ADAMTS6: variants seen among roughly 807,000 people sequenced by gnomAD.
ADAMTS6 encodes the protein A disintegrin and metalloproteinase with thrombospondin motifs 6.
Under a neutral mutation model 144.3 loss-of-function variants are expected in ADAMTS6, and 23 were observed. The observed-to-expected ratio is 0.16, with a 90% CI of 0.11 to 0.23. The LOEUF (loss-of-function observed/expected upper bound fraction) is 0.23. Among genes scored for constraint, ADAMTS6 ranks in the 10% least tolerant of loss-of-function variants. The pLI is 1.00. For missense variants in ADAMTS6, 999 were observed against 1,379.6 expected (o/e 0.72, Z 4.37); for synonymous variants, 444 against 457.5 (o/e 0.97, Z 0.38).
chr5:65,224,818 G>C, intron 17 of ADAMTS6, 106 bp downstream of exon 17: 1 of 1,324,564 alleles, frequency 7.5e-7, no homozygotes, highest in South Asian at 1.7e-5. Flanking sequence ...AGAAAACATT[G>C]TCTGCCTAAA....
chr5:65,474,769 A>C (rs1385732879), intron 1 of ADAMTS6, among the ~76,000 whole-genome samples: 2 of 144,868 alleles, frequency 1.4e-5, no homozygotes, highest in African/African-American at 5.2e-5. Context: ...AGAGCTAAAA[A>C]CTAGCCACAA....
intron 9 of ADAMTS6, among the ~76,000 whole-genome samples, chr5:65,317,799 C>T (rs1191550187): frequency 1.3e-5 from 2 of 152,044 alleles, no homozygotes; most frequent in Admixed American, 1.3e-4. Flanking sequence ...GCAGGCCAGG[C>T]GTGGTGGCTC....
chr5:65,462,141 C>T (rs1262800168), intron 3 of ADAMTS6, among the ~76,000 whole-genome samples: 1 of 152,172 alleles, frequency 6.6e-6, no homozygotes, highest in Admixed American at 6.5e-5. Flanking sequence ...ATGCCATTAA[C>T]ATATTCTAAT....
Position 65,477,763 on chromosome 5 carries a change from AT to A in ADAMTS6, c.-280+3579del, listed in dbSNP as rs201927162. Among the ~76,000 whole-genome samples the A allele has an allele frequency of 7.3e-3, 1,038 of 141,524 alleles. 1 individual carries two copies. The highest frequency in any genetic ancestry group is 0.018 in the Middle Eastern group (5 of 272). The allele number at this position is 141,524 out of a possible 152,430, so 92.8% of individuals were successfully genotyped here. On this transcript the variant is annotated intron_variant, in intron 1 of 24. Coordinates refer to ENST00000381055, the MANE Select transcript of ADAMTS6 (RefSeq NM_197941.4). ...TATCACTCCCTTGCTCCCTCCCCAC[AT>A]TTTTTTTTTTTTTGGCCTCCAGTGC...
intron 7 of ADAMTS6, among the ~76,000 whole-genome samples, chr5:65,407,337 T>A (rs1266206287): frequency 6.6e-6 from 1 of 150,794 alleles, no homozygotes. Flanking sequence ...ATATTCAATG[T>A]TCTTTTTTTT....
rs754569473 is a variant in ADAMTS6, at chr5:65,452,934, C to T, written c.632-16G>A. 6.2e-7 allele frequency: 1 copy of T among 1,600,770 alleles called. No homozygotes were observed. Among genetic ancestry groups the T allele is most frequent in the East Asian group, 2.2e-5 (1 of 44,740 alleles). On this transcript the variant is annotated splice_polypyrimidine_tract_variant and intron_variant, in intron 4 of 24. Transcript: ENST00000381055. ...CTTGTGAAATCTACAATAAAAGCAG[C>T]CAATTCAGATAGGTTCACTAATTAA...
At chr5:65,200,856 G>A (rs904517105) in intron 20 of ADAMTS6, among the ~76,000 whole-genome samples, 1 of 152,036 alleles carries the variant, frequency 6.6e-6, no homozygotes, top group Non-Finnish European at 1.5e-5. Flanking sequence ...TCTGTTTAGA[G>A]ACTTTTAATT....
chr5:65,311,174 C>T (rs1206911813), intron 9 of ADAMTS6, among the ~76,000 whole-genome samples: 1 of 152,132 alleles, frequency 6.6e-6, no homozygotes, highest in Non-Finnish European at 1.5e-5. Flanking sequence ...TGCTGACTAA[C>T]TGTAAACCAT....
chr5:65,474,096 T>C (rs913923064), intron 1 of ADAMTS6, 144 bp from the exon 2 acceptor site: 4 of 335,252 alleles, frequency 1.2e-5, no homozygotes, highest in Non-Finnish European at 2.1e-5. Flanking sequence ...ATAGTCTAAA[T>C]AAACATTCAC....
intron 15 of ADAMTS6, among the ~76,000 whole-genome samples, chr5:65,238,594 T>C (rs1161075184): frequency 6.7e-6 from 1 of 149,636 alleles, no homozygotes; most frequent in Non-Finnish European, 1.5e-5. Context: ...AACCAGACCC[T>C]GTCTCAAAAA....
intron 9 of ADAMTS6, among the ~76,000 whole-genome samples, chr5:65,306,465 T>A (rs1386461091): frequency 6.6e-6 from 1 of 152,074 alleles, no homozygotes; most frequent in East Asian, 1.9e-4. Flanking sequence ...AATATCAATA[T>A]AATTTTTTTT....
chr5:65,371,451 G>A (rs1271945089), intron 7 of ADAMTS6, among the ~76,000 whole-genome samples: 1 of 152,022 alleles, frequency 6.6e-6, no homozygotes, highest in Non-Finnish European at 1.5e-5. Context: ...TGAAAACCAA[G>A]GCTCGAGAAC....
chr5:65,331,426 C>T (rs1227970484), intron 8 of ADAMTS6, among the ~76,000 whole-genome samples: 2 of 151,944 alleles, frequency 1.3e-5, no homozygotes, highest in Non-Finnish European at 2.9e-5. Flanking sequence ...AAATTATTAT[C>T]TCTGCTAGAA....
chr5:65,235,239 T>C (rs1010500845), intron 15 of ADAMTS6, among the ~76,000 whole-genome samples: 5 of 152,174 alleles, frequency 3.3e-5, no homozygotes, highest in African/African-American at 1.2e-4. Context: ...AAGGTAAATA[T>C]GTGAGGTGAC....
chr5:65,371,441 T>C (rs1290980855), intron 7 of ADAMTS6, among the ~76,000 whole-genome samples: 1 of 151,906 alleles, frequency 6.6e-6, no homozygotes. Context: ...CTGATGGAGC[T>C]GAAAACCAAG....
At chr5:65,407,416 C>T (rs1754628823) in intron 7 of ADAMTS6, among the ~76,000 whole-genome samples, 2 of 151,518 alleles carry the variant, frequency 1.3e-5, no homozygotes, top group Non-Finnish European at 2.9e-5. Flanking sequence ...TATACATGTG[C>T]CATGTTGGTG....
At chr5:65,270,785 A>G (rs1247002471) in intron 12 of ADAMTS6, among the ~76,000 whole-genome samples, 4 of 152,168 alleles carry the variant, frequency 2.6e-5, no homozygotes, top group Non-Finnish European at 5.9e-5. Flanking sequence ...ACCCCTTGAC[A>G]TATAAACTTT....
intron 3 of ADAMTS6, among the ~76,000 whole-genome samples, chr5:65,463,707 T>G (rs941044571): frequency 6.6e-6 from 1 of 152,192 alleles, no homozygotes; most frequent in Admixed American, 6.5e-5. Flanking sequence ...TCCCTATTAT[T>G]TGAAACACTT....
chr5:65,273,534 C>T (rs1415254843), intron 11 of ADAMTS6, 87 bp from the exon 12 acceptor site: 2 of 1,085,464 alleles, frequency 1.8e-6, no homozygotes, highest in East Asian at 2.4e-5. Flanking sequence ...CTCTGCATTA[C>T]TTTCAAGAGA....
Sources: allele counts gnomAD v4.1 joint callset (sites outside exome capture counted in the v4.1 genomes callset), GRCh38; gene constraint gnomAD v4.1.1; transcripts MANE v1.5; gene names NCBI Gene and HGNC (gene_info 2026-07-23, HGNC 2026-07-21).